Variants in TFCP2L1 observed in about 807,000 individuals in gnomAD.
TFCP2L1 encodes transcription factor CP2 like 1.
A neutral mutation model predicts 72.2 loss-of-function variants in TFCP2L1; 12 were observed. That is an observed-to-expected ratio of 0.17 (90% CI 0.11 to 0.27). The LOEUF (loss-of-function observed/expected upper bound fraction) is 0.27. Ranked by LOEUF, TFCP2L1 falls within the 10% of genes least tolerant of loss-of-function variation. The probability of loss-of-function intolerance (pLI) is 1.00; values close to 1 mark genes in which losing one functional copy is unlikely to be tolerated. For synonymous variants in TFCP2L1, 260 were observed against 251.0 expected (o/e 1.04, Z -0.34); for missense variants, 488 against 624.6 (o/e 0.78, Z 2.33).
At chr2:121,279,839 A>G (rs11688688) in intron 2 of TFCP2L1, among the ~76,000 whole-genome samples, 17,819 of 152,252 alleles carry the variant, frequency 0.12, 1,154 homozygotes, top group Middle Eastern at 0.15. Flanking sequence ...CATACCAGTC[A>G]GGGGTAGAGC....
At chr2:121,241,262 G>C (rs996501364) in intron 7 of TFCP2L1, among the ~76,000 whole-genome samples, 1 of 152,232 alleles carries the variant, frequency 6.6e-6, no homozygotes, top group Non-Finnish European at 1.5e-5. Flanking sequence ...GGGAGGCCGA[G>C]GTGGGCAGAT....
At chr2:121,271,811 T>C (rs1344078035) in intron 2 of TFCP2L1, among the ~76,000 whole-genome samples, 1 of 152,200 alleles carries the variant, frequency 6.6e-6, no homozygotes, top group Non-Finnish European at 1.5e-5. Flanking sequence ...CAAATCTGTT[T>C]GGTTCTAGGA....
At chr2:121,281,087 G>T in intron 2 of TFCP2L1, 33 bp downstream of exon 2, 1 of 1,613,294 alleles carries the variant, frequency 6.2e-7, no homozygotes. Context: ...CTACTTCTGG[G>T]TTCCGCCCTG....
At chr2:121,262,249 G>A (rs1457242683) in intron 2 of TFCP2L1, among the ~76,000 whole-genome samples, 1 of 152,098 alleles carries the variant, frequency 6.6e-6, no homozygotes, top group African/African-American at 2.4e-5. Flanking sequence ...GGTGGATCAC[G>A]AGGTCAGGAG....
intron 2 of TFCP2L1, among the ~76,000 whole-genome samples, chr2:121,254,650 T>C (rs1686678819): frequency 6.6e-6 from 1 of 152,014 alleles, no homozygotes; most frequent in African/African-American, 2.4e-5. Context: ...ACACAAAAAT[T>C]AGCCGGGCGT....
chr2:121,278,148 T>C (rs2104765565), intron 2 of TFCP2L1, among the ~76,000 whole-genome samples: 1 of 148,652 alleles, frequency 6.7e-6, no homozygotes, highest in East Asian at 2.0e-4. Context: ...GCCATTCTCC[T>C]GCCTCAGCCT....
At position 121,249,123 on chromosome 2, in the gene TFCP2L1, C is replaced by T. The variant is rs3816188; in HGVS notation, c.292-36G>A. ...AGGCCAGCAGGGAAACAAGTGACCG[C>T]GGGGGGCCAAGAGGAACCCACCTCT... is the stretch of plus-strand genomic sequence containing the variant. On this transcript the variant is annotated intron_variant, in intron 3 of 14. Coordinates refer to ENST00000263707, the MANE Select transcript of TFCP2L1 (RefSeq NM_014553.3). 8.1e-6 allele frequency: 12 copies of T among 1,474,936 alleles called. No individual in the cohort carries two copies. In the African/African-American group the frequency reaches 8.5e-5, roughly 10 times the overall value. The allele number at this position is 1,474,936 out of a possible 1,614,324, so 91.4% of individuals were successfully genotyped here.
At chr2:121,225,195 G>C (rs1172705061) in intron 14 of TFCP2L1, among the ~76,000 whole-genome samples, 2 of 152,092 alleles carry the variant, frequency 1.3e-5, no homozygotes, top group Non-Finnish European at 2.9e-5. Flanking sequence ...TTCCTCGGCA[G>C]AGCACAGGCA....
At chr2:121,281,867 C>T (rs1321128727) in intron 1 of TFCP2L1, among the ~76,000 whole-genome samples, 2 of 138,406 alleles carry the variant, frequency 1.4e-5, no homozygotes, top group Admixed American at 8.4e-5. Context: ...TCATTCTAAT[C>T]TGTCCAAAAG....
At chr2:121,227,622 A>C (rs1686054876) in intron 13 of TFCP2L1, among the ~76,000 whole-genome samples, 2 of 151,996 alleles carry the variant, frequency 1.3e-5, no homozygotes, top group East Asian at 3.9e-4. Flanking sequence ...CGGAGGTTGC[A>C]GTGAGCTGAG....
chr2:121,264,107 G>A (rs938740927), intron 2 of TFCP2L1, among the ~76,000 whole-genome samples: 3 of 152,222 alleles, frequency 2.0e-5, no homozygotes, highest in Non-Finnish European at 4.4e-5. Context: ...GGGCTCAGGA[G>A]GGGGAACCCG....
Position 121,248,267 on chromosome 2 carries a change from A to G in TFCP2L1, c.401T>C (p.Ile134Thr), listed in dbSNP as rs374503739. Residue 134 changes from isoleucine to threonine, a missense_variant, in exon 5 of 15, where the codon ATT (isoleucine) becomes ACT (threonine). By Grantham distance (89) the Ile-to-Thr change is moderately conservative. This residue lies in a region of TFCP2L1 where 129 missense variants were observed against 236.0 expected (regional missense o/e 0.55). Coordinates refer to ENST00000263707, the MANE Select transcript of TFCP2L1 (RefSeq NM_014553.3). ...GTCCAAGATACCAACAGACAGTGGA[A>G]TATCTGCATACACACACACACATAC... is the stretch of plus-strand genomic sequence containing the variant. ...RPGDRILDID[I>T]PLSVGILDPR... 3 of 1,612,676 alleles carry G rather than the reference A, an allele frequency of 1.9e-6. No individual in the cohort carries two copies. Among genetic ancestry groups the G allele is most frequent in the Non-Finnish European group, 2.5e-6 (3 of 1,179,048 alleles).
intron 2 of TFCP2L1, among the ~76,000 whole-genome samples, chr2:121,262,989 G>T (rs1205360230): frequency 1.3e-5 from 2 of 152,178 alleles, no homozygotes; most frequent in Non-Finnish European, 2.9e-5. Context: ...AGGCTGGAGT[G>T]CAATGGCACA....
In TFCP2L1 at chr2:121,239,632, G is replaced by A. The variant is rs377241963; in HGVS notation, c.786C>T (p.Asp262=). 4.0e-5 allele frequency: 65 copies of A among 1,614,038 alleles called. No individual in the cohort carries two copies. In the Admixed American group the frequency reaches 6.7e-4, roughly 17 times the overall value. Reference sequence around the variant, plus strand: ...GGGCGCTGTTCACCTGGTAGGCCACGTCGGGCCATGGAGAGCACTGCAGGA... The same window carrying A: ...GGGCGCTGTTCACCTGGTAGGCCACATCGGGCCATGGAGAGCACTGCAGGA... ...TILTECSPWP[D]VAYQVNSAPS... The change falls in exon 8 of 15, where the codon GAC becomes GAT. Residue 262 remains aspartate (D), a synonymous_variant. Transcript: ENST00000263707.
intron 8 of TFCP2L1, among the ~76,000 whole-genome samples, chr2:121,238,575 C>A (rs937950168): frequency 4.6e-5 from 7 of 152,236 alleles, no homozygotes; most frequent in African/African-American, 1.2e-4. Flanking sequence ...GAAAAAGAGA[C>A]CCTCGCAGGG....
chr2:121,249,769 A>G (rs1270880465), intron 2 of TFCP2L1, 122 bp from the exon 3 acceptor site: 8 of 969,464 alleles, frequency 8.3e-6, no homozygotes, highest in Non-Finnish European at 1.3e-5. Flanking sequence ...TGGGGAGCAA[A>G]GCAGAGAAGA....
intron 10 of TFCP2L1, among the ~76,000 whole-genome samples, chr2:121,236,346 A>G (rs1686249085): frequency 6.6e-6 from 1 of 152,088 alleles, no homozygotes; most frequent in South Asian, 2.1e-4. Flanking sequence ...GCATCTATGT[A>G]TGGTCCCACC....
intron 10 of TFCP2L1, 103 bp from the exon 11 acceptor site, chr2:121,235,414 G>C: frequency 3.6e-6 from 4 of 1,103,790 alleles, no homozygotes; most frequent in Non-Finnish European, 2.7e-6. Context: ...GGGGGGTGGG[G>C]AAGAGCCAGC....
At chr2:121,284,246 G>A (rs1353887422) in intron 1 of TFCP2L1, among the ~76,000 whole-genome samples, 2 of 152,184 alleles carry the variant, frequency 1.3e-5, no homozygotes. Context: ...CTGTGACTAA[G>A]ATGGAAATAA....
Sources: gnomAD v4.1 joint callset for allele counts (sites outside exome capture counted in the v4.1 genomes callset) on GRCh38, gnomAD v4.1.1 for gene constraint, gnomAD v4.1.1 regional missense constraint, MANE v1.5 for transcripts, NCBI Gene and HGNC (gene_info 2026-07-23, HGNC 2026-07-21) for gene names.